PCF11: variants seen among roughly 807,000 people sequenced by gnomAD.
The protein encoded by PCF11 is PCF11 cleavage and polyadenylation factor subunit.
Under a neutral mutation model 166.1 loss-of-function variants are expected in PCF11, and 19 were observed. The ratio of observed to expected loss-of-function variants is 0.11; its 90% confidence interval spans 0.08 to 0.17. PCF11 has a LOEUF of 0.17. Among genes scored for constraint, PCF11 ranks in the 10% least tolerant of loss-of-function variants. PCF11 has a pLI of 1.00. For missense variants in PCF11, 1,565 were observed against 1,855.5 expected, an observed-to-expected ratio of 0.84 and a Z score of 2.88; for synonymous variants, 663 against 644.1, an observed-to-expected ratio of 1.03 and a Z score of -0.44.
At chr11:83,184,585 C>T (rs1861206554) in intron 15 of PCF11, 94 bp from the exon 16 acceptor site, 1 of 815,050 alleles carries the variant, frequency 1.2e-6, no homozygotes, top group African/African-American at 1.7e-5. Context: ...TATGTGTGTT[C>T]TCTTGTTCAT....
intron 1 of PCF11, among the ~76,000 whole-genome samples, chr11:83,159,638 A>G (rs1478008507): frequency 1.3e-5 from 2 of 152,204 alleles, no homozygotes; most frequent in Non-Finnish European, 2.9e-5. Flanking sequence ...TTGTAAAGCC[A>G]GGTTGAGGAA....
rs536307710 is a variant in PCF11 at position 83,173,024 on chromosome 11, G to C, written c.3757+1110G>C. Among the ~76,000 whole-genome samples the C allele has an allele frequency of 3.3e-5, 5 of 152,214 alleles. No homozygotes were observed. The East Asian group carries it at 7.7e-4, about 23-fold the overall frequency. Reference sequence around the variant, plus strand: ...TAATATTTGTTATTATTATTATTTTGTTACTATAATGAAAAGAGAAGGAAA... The same window carrying C: ...TAATATTTGTTATTATTATTATTTTCTTACTATAATGAAAAGAGAAGGAAA... On this transcript the variant is annotated intron_variant, in intron 9 of 15. Coordinates refer to ENST00000298281, the Ensembl canonical transcript of PCF11.
chr11:83,166,155 A>G, exon 5 of PCF11: 1 of 1,607,742 alleles, frequency 6.2e-7, no homozygotes, highest in Non-Finnish European at 8.5e-7. Flanking sequence ...TGATGATGTG[A>G]AAGAGAAGAG....
intron 9 of PCF11, among the ~76,000 whole-genome samples, chr11:83,175,611 T>C (rs1229253235): frequency 1.3e-5 from 2 of 152,010 alleles, no homozygotes; most frequent in African/African-American, 2.4e-5. Flanking sequence ...AGAAATTAGC[T>C]GGGTGTGGTG....
At chr11:83,181,298 T>A (rs1159134597) in intron 12 of PCF11, 107 bp downstream of exon 12, 1 of 317,592 alleles carries the variant, frequency 3.1e-6, no homozygotes, top group Non-Finnish European at 5.4e-6. Flanking sequence ...TTAAGTAATT[T>A]AATAATTTTA....
exon 12 of PCF11, chr11:83,181,124 G>T: frequency 6.2e-7 from 1 of 1,610,536 alleles, no homozygotes; most frequent in Non-Finnish European, 8.5e-7. Flanking sequence ...TGGCATTATC[G>T]GCAAAATAGA....
rs777166637 is a variant in PCF11 at position 83,167,879 on chromosome 11, C to T, written c.2092+374C>T. 28 of 1,306,350 alleles carry T rather than the reference C, an allele frequency of 2.1e-5. No homozygotes were observed. The highest frequency in any genetic ancestry group is 2.5e-5 in the Non-Finnish European group (25 of 1,000,522). 80.9% of individuals were successfully genotyped at this position (1,306,350 alleles called of 1,614,324 possible). On this transcript the variant is annotated intron_variant, in intron 7 of 15. Transcript: ENST00000298281. The surrounding 1 kb of genome is among the most constrained non-coding windows in gnomAD (Gnocchi z 4.2). Reference sequence around the variant, plus strand: ...CCCATGAGGGCCGGAGAAGACATGACGAGCAAGTCTCTGCTAAAGGTAGAA... The same window carrying T: ...CCCATGAGGGCCGGAGAAGACATGATGAGCAAGTCTCTGCTAAAGGTAGAA...
At chr11:83,165,791 T>C in exon 5 of PCF11, 1 of 1,612,606 alleles carries the variant, frequency 6.2e-7, no homozygotes, top group East Asian at 2.2e-5. Flanking sequence ...GGGATCCTCG[T>C]CTGAACAGGA....
intron 15 of PCF11, 127 bp from the exon 16 acceptor site, chr11:83,184,551 AG>A: frequency 1.5e-6 from 1 of 645,968 alleles, no homozygotes; most frequent in South Asian, 1.8e-5. Flanking sequence ...GTTGGGAGGC[AG>A]GTGTTTCATT....
In PCF11 at chr11:83,157,239, C is replaced by T; in HGVS notation, c.-201C>T. ...AGCTTCTGTGGCGGCTGGAAGTGGA[C>T]GGAGATCACCCGCGAGACGGCGGCG... On this transcript the variant is annotated 5_prime_UTR_variant, in exon 1 of 16. It adds an upstream start codon to the 5' untranslated region. Coordinates refer to ENST00000298281, the Ensembl canonical transcript of PCF11. 1 of 593,930 alleles carries T rather than the reference C, an allele frequency of 1.7e-6. No homozygotes were observed. The allele number at this position is 593,930 out of a possible 1,614,324, so 36.8% of individuals were successfully genotyped here.
At chr11:83,165,627 A>G (rs1860420503) in exon 5 of PCF11, 7 of 1,612,226 alleles carry the variant, frequency 4.3e-6, no homozygotes, top group Non-Finnish European at 5.9e-6. Flanking sequence ...TCAGCAGGAA[A>G]CATCCAATTT....
At chr11:83,171,876 T>A in exon 9 of PCF11, 1 of 1,601,704 alleles carries the variant, frequency 6.2e-7, no homozygotes, top group Non-Finnish European at 8.6e-7. Flanking sequence ...TTTTTACCAG[T>A]TCATCCACAA....
intron 9 of PCF11, among the ~76,000 whole-genome samples, chr11:83,176,533 G>A (rs1405277320): frequency 1.3e-5 from 2 of 152,148 alleles, no homozygotes; most frequent in Non-Finnish European, 2.9e-5. Context: ...CATGTCCTTT[G>A]CAGGGACATG....
intron 12 of PCF11, among the ~76,000 whole-genome samples, chr11:83,181,531 T>TAA (rs1861086908): frequency 6.7e-6 from 1 of 149,134 alleles, no homozygotes; most frequent in African/African-American, 2.5e-5. Flanking sequence ...TTTTTTTTTT[T>TAA]AATTAAGATT....
rs569823308 is a variant in PCF11 at position 83,164,562 on chromosome 11, T to A, written c.702+161T>A. ...GTATATTTATTAGACTATACTTTTA[T>A]ATCTTTATTGTAAAATTCACTTGAT... is the stretch of plus-strand genomic sequence containing the variant. On this transcript the variant is annotated intron_variant, in intron 4 of 15. Transcript: ENST00000298281. Among the ~76,000 whole-genome samples, 11 of 152,352 alleles carry A rather than the reference T, an allele frequency of 7.2e-5. No homozygotes were observed. The East Asian group carries it at 1.7e-3, about 24-fold the overall frequency.
At chr11:83,172,709 C>G (rs145928931) in intron 9 of PCF11, among the ~76,000 whole-genome samples, 5 of 152,278 alleles carry the variant, frequency 3.3e-5, no homozygotes, top group Admixed American at 3.3e-4. Context: ...AGCCACCATG[C>G]CCGGCAAAAT....
chr11:83,167,519 C>G lies in PCF11; in HGVS notation c.2092+14C>G, dbSNP rs368777183. 1 of 1,609,320 alleles carries G rather than the reference C, an allele frequency of 6.2e-7. No homozygotes were observed. The highest frequency in any genetic ancestry group is 1.3e-5 in the African/African-American group (1 of 74,792). ...AGTATCAAGAAGGTAAACATAGATG[C>G]AATGTACGGGATAGTCCTACAGAAG... is the stretch of plus-strand genomic sequence containing the variant. On this transcript the variant is annotated intron_variant, in intron 7 of 15. Transcript: ENST00000298281. This position sits in a 1 kb window ranked among gnomAD's most constrained non-coding sequence, Gnocchi z 4.2.
chr11:83,174,006 G>C (rs1006092699), intron 9 of PCF11, among the ~76,000 whole-genome samples: 1 of 152,052 alleles, frequency 6.6e-6, no homozygotes, highest in Admixed American at 6.6e-5. Context: ...TGGGACTACA[G>C]GTATGAGCCA....
intron 1 of PCF11, among the ~76,000 whole-genome samples, chr11:83,161,048 T>G (rs1860232150): frequency 6.6e-6 from 1 of 152,196 alleles, no homozygotes. Flanking sequence ...AAAACACAGG[T>G]CTTTTTACCA....
Sources: gnomAD v4.1 joint callset for allele counts (sites outside exome capture counted in the v4.1 genomes callset) on GRCh38, gnomAD v4.1.1 for gene constraint, Gnocchi (gnomAD v3.1) non-coding constraint, MANE v1.5 for transcripts, NCBI Gene and HGNC (gene_info 2026-07-23, HGNC 2026-07-21) for gene names.